KCTD17: variants seen among roughly 807,000 people sequenced by gnomAD.
KCTD17 encodes the protein potassium channel tetramerization domain containing 17.
In KCTD17, 20 loss-of-function variants were observed where a neutral mutation model predicts 41.5. The observed-to-expected ratio is 0.48, with a 90% CI of 0.34 to 0.70. KCTD17 has a LOEUF of 0.70. Among genes scored for constraint, KCTD17 ranks in the 30% least tolerant of loss-of-function variants. The pLI is 0.01. For missense variants in KCTD17, 317 were observed against 427.2 expected, an observed-to-expected ratio of 0.74 and a Z score of 2.27; for synonymous variants, 156 against 173.8, an observed-to-expected ratio of 0.90 and a Z score of 0.80.
Position 37,053,213 on chromosome 22 carries a change from G to C in KCTD17, c.298+5G>C. The stretch of plus-strand genomic sequence containing the variant: ...ACAAGGACATGGCTGAGGAGGGTGA[G>C]TTGGTCCAGGGGGCTGGCCTGGACC... On this transcript the variant is annotated splice_donor_5th_base_variant and intron_variant, in intron 2 of 8. Coordinates refer to ENST00000403888, the MANE Select transcript of KCTD17 (RefSeq NM_001282684.2). This position sits in a 1 kb window ranked among gnomAD's most constrained non-coding sequence, Gnocchi z 4.1. 1 of 1,590,586 alleles carries C rather than the reference G, an allele frequency of 6.3e-7. No homozygotes were observed. Among genetic ancestry groups the C allele is most frequent in the South Asian group, 1.1e-5 (1 of 87,094 alleles).
Position 37,061,608 on chromosome 22 carries a change from G to T in KCTD17, c.854G>T (p.Arg285Leu). The change falls in exon 8 of 9, where the codon CGC (arginine) becomes CTC (leucine). Residue 285 changes from arginine to leucine, a missense_variant. This residue lies in a region of KCTD17 where 177 missense variants were observed against 194.4 expected (regional missense o/e 0.91). Transcript: ENST00000403888. The surrounding 1 kb of genome is among the most constrained non-coding windows in gnomAD (Gnocchi z 6.6). The part of the protein sequence containing the change: ...AVRASPRPLA[R>L]PQSCHPCCYK... ...AGGGCTTCTCCTCGGCCCCTCGCCC[G>T]CCCCCAGAGCTGCCATCCCTGGTTT... 1 of 1,599,044 alleles carries T rather than the reference G, an allele frequency of 6.3e-7. No homozygotes were observed. The highest frequency in any genetic ancestry group is 8.5e-7 in the Non-Finnish European group (1 of 1,179,040).
Position 37,061,589 on chromosome 22 carries a change from TCTC to T in KCTD17, c.839_841del (p.Pro280del), listed in dbSNP as rs1355249938. The T allele has an allele frequency of 6.2e-7, 1 of 1,601,260 alleles. No individual in the cohort carries two copies. The highest frequency in any genetic ancestry group is 1.7e-5 in the Admixed American group (1 of 59,994). On this transcript the variant is annotated inframe_deletion, in exon 8 of 9. Transcript: ENST00000403888. This position sits in a 1 kb window ranked among gnomAD's most constrained non-coding sequence, Gnocchi z 6.6. ...TGAGGCTGAGCTTGCAGTGAGGGCT[TCTC>T]CTCGGCCCCTCGCCCGCCCCCAGAG...
Position 37,063,383 on chromosome 22 carries a change from A to G in KCTD17, c.*789A>G, listed in dbSNP as rs1601504663. 1 of 152,330 alleles carries G rather than the reference A, an allele frequency of 6.6e-6. No individual in the cohort carries two copies. The highest frequency in any genetic ancestry group is 1.9e-4 in the East Asian group (1 of 5,188). The allele number at this position is 152,330 out of a possible 1,614,324, so 9.4% of individuals were successfully genotyped here. ...CCACCATGTAATAAAACCCAAAGGA[A>G]CAGCCCAGCCTGGCTGTTGCCCTCT... On this transcript the variant is annotated 3_prime_UTR_variant, in exon 9 of 9. Transcript: ENST00000403888. This position sits in a 1 kb window ranked among gnomAD's most constrained non-coding sequence, Gnocchi z 4.6.
In KCTD17 at chr22:37,051,957, C is replaced by G; in HGVS notation, c.189+8C>G. ...GAGCTGCAGTCGGACCGGGTGAGGC[C>G]CCCGGGGTGGGCGGCGAGCGGGCGG... On this transcript the variant is annotated splice_region_variant and intron_variant, in intron 1 of 8. Coordinates refer to ENST00000403888, the MANE Select transcript of KCTD17 (RefSeq NM_001282684.2). 6.8e-7 allele frequency: 1 copy of G among 1,461,538 alleles called. No homozygotes were observed. The allele number at this position is 1,461,538 out of a possible 1,614,324, so 90.5% of individuals were successfully genotyped here.
At chr22:37,052,556 C>G (rs1344310634) in intron 1 of KCTD17, 1 of 470,372 alleles carries the variant, frequency 2.1e-6, no homozygotes, top group South Asian at 1.5e-5. Flanking sequence ...TCTAAGGTCT[C>G]CTGTCCCCCA....
chr22:37,052,014 C>G (rs1924546487), intron 1 of KCTD17, 65 bp downstream of exon 1: 3 of 1,227,458 alleles, frequency 2.4e-6, no homozygotes, highest in African/African-American at 1.6e-5. Context: ...GCGGGGCTGT[C>G]GGGCCTGGCT....
At position 37,059,243 on chromosome 22, in the gene KCTD17, G is replaced by T. The variant is rs879094334; in HGVS notation, c.487-70G>T. 2.1e-5 allele frequency: 33 copies of T among 1,597,026 alleles called. No homozygotes were observed. The South Asian group carries it at 2.9e-4, about 14-fold the overall frequency. On this transcript the variant is annotated intron_variant, in intron 4 of 8. Transcript: ENST00000403888. ...CTGGTATCTTGATTTGAGTGCCGAG[G>T]TCTGTCGTATCCTGCCCCACGGCCC...
At chr22:37,062,117 T>C (rs1206687692) in intron 8 of KCTD17, 15 of 983,406 alleles carry the variant, frequency 1.5e-5, no homozygotes, top group Non-Finnish European at 1.7e-5. Flanking sequence ...TGGGCCACAA[T>C]TGCCTCTAAA....
At chr22:37,060,637 A>C (rs554941400) in intron 5 of KCTD17, among the ~76,000 whole-genome samples, 186 bp from the exon 6 acceptor site, 3 of 152,174 alleles carry the variant, frequency 2.0e-5, no homozygotes, top group African/African-American at 7.2e-5. Flanking sequence ...TGCTTTCCCC[A>C]GGCCCTCCCC....
In KCTD17 at chr22:37,062,664, CCT is replaced by C. The variant is rs1823050194; in HGVS notation, c.*73_*74del. 6 of 1,560,860 alleles carry C rather than the reference CCT, an allele frequency of 3.8e-6. No homozygotes were observed. In the South Asian group the frequency reaches 7.0e-5, roughly 18 times the overall value. On this transcript the variant is annotated 3_prime_UTR_variant, in exon 9 of 9. Coordinates refer to ENST00000403888, the MANE Select transcript of KCTD17 (RefSeq NM_001282684.2). ...GGAAGAAGCACCCTCTCCCCGGCCT[CCT>C]CTGTCTGCACCCGTGGGGCTGTGAC...
chr22:37,059,642 C>A, intron 5 of KCTD17: 1 of 649,708 alleles, frequency 1.5e-6, no homozygotes, highest in Non-Finnish European at 2.6e-6. Flanking sequence ...GAAATGAGAG[C>A]ATCCCCAGGG....
rs112587587 is a variant in KCTD17 at position 37,051,752 on chromosome 22, C to G, written c.-9C>G. On this transcript the variant is annotated 5_prime_UTR_variant, in exon 1 of 9. Coordinates refer to ENST00000403888, the MANE Select transcript of KCTD17 (RefSeq NM_001282684.2). The stretch of plus-strand genomic sequence containing the variant: ...GCCCGGGAGGAGGATGCAGACGCCG[C>G]GGCCGGCGATGAGGATGGAGGCCGG... 3.3e-6 allele frequency: 4 copies of G among 1,219,590 alleles called. No individual in the cohort carries two copies. The highest frequency in any genetic ancestry group is 4.1e-6 in the Non-Finnish European group (4 of 980,590). The allele number at this position is 1,219,590 out of a possible 1,614,324, so 75.5% of individuals were successfully genotyped here.
At chr22:37,051,970 G>A (rs1408001411) in intron 1 of KCTD17, 21 bp downstream of exon 1, 11 of 1,426,776 alleles carry the variant, frequency 7.7e-6, no homozygotes, top group African/African-American at 1.5e-5. Flanking sequence ...CGGGGTGGGC[G>A]GCGAGCGGGC....
chr22:37,062,048 C>A, intron 8 of KCTD17: 3 of 983,010 alleles, frequency 3.1e-6, no homozygotes, highest in Non-Finnish European at 3.6e-6. Flanking sequence ...TGCCCACAAG[C>A]CCCCTATCCC....
chr22:37,053,081 G>T lies in KCTD17; in HGVS notation c.190-19G>T. 6.4e-7 allele frequency: 1 copy of T among 1,553,766 alleles called. No individual in the cohort carries two copies. The highest frequency in any genetic ancestry group is 8.7e-7 in the Non-Finnish European group (1 of 1,143,722). On this transcript the variant is annotated intron_variant, in intron 1 of 8. Transcript: ENST00000403888. This position sits in a 1 kb window ranked among gnomAD's most constrained non-coding sequence, Gnocchi z 4.1. Reference sequence around the variant, plus strand: ...AGAAGCCTCACTCTTCTCTCACCGAGCATCCCTCACCTCCATAGGATGAGA... The same window carrying T: ...AGAAGCCTCACTCTTCTCTCACCGATCATCCCTCACCTCCATAGGATGAGA...
rs1157842410 is a variant in KCTD17 at position 37,053,569 on chromosome 22, G to A, written c.298+361G>A. ...ATCCGGAGGCTGGGGTGACAGGAAT[G>A]CAGTGTTGACAGGCATGGGGAGAGC... On this transcript the variant is annotated intron_variant, in intron 2 of 8. Transcript: ENST00000403888. This position sits in a 1 kb window ranked among gnomAD's most constrained non-coding sequence, Gnocchi z 4.1. Among the ~76,000 whole-genome samples the A allele has an allele frequency of 1.3e-5, 2 of 152,226 alleles. No individual in the cohort carries two copies. Among genetic ancestry groups the A allele is most frequent in the Non-Finnish European group, 2.9e-5 (2 of 68,032 alleles).
Position 37,058,415 on chromosome 22 carries a change from T to A in KCTD17, c.487-898T>A, listed in dbSNP as rs186206600. Among the ~76,000 whole-genome samples the A allele has an allele frequency of 1.6e-3, 242 of 152,354 alleles. 1 individual carries two copies. The highest frequency in any genetic ancestry group is 5.7e-3 in the African/African-American group (235 of 41,584). On this transcript the variant is annotated intron_variant, in intron 4 of 8. Transcript: ENST00000403888. ...TGAAGTGGGCTAACAGTACCTCCTC[T>A]GTAGGACTCTTGTGAGATTAGAAGG...
At position 37,060,810 on chromosome 22, in the gene KCTD17, G is replaced by T. The variant is rs937682907; in HGVS notation, c.613-13G>T. The T allele has an allele frequency of 6.8e-7, 1 of 1,477,134 alleles. No individual in the cohort carries two copies. The highest frequency in any genetic ancestry group is 9.0e-7 in the Non-Finnish European group (1 of 1,111,792). The allele number at this position is 1,477,134 out of a possible 1,614,324, so 91.5% of individuals were successfully genotyped here. On this transcript the variant is annotated splice_polypyrimidine_tract_variant and intron_variant, in intron 5 of 8. Transcript: ENST00000403888. ...CCACTCTTTCTTCCCTGGGTCCGCC[G>T]GCTGGTTCACAGAGCACGGAGGAGC...
intron 3 of KCTD17, 119 bp downstream of exon 3, chr22:37,056,530 A>C: frequency 1.2e-6 from 1 of 805,588 alleles, no homozygotes; most frequent in Non-Finnish European, 2.0e-6. Context: ...TGTCATGGGG[A>C]GGCCGAGCTG....
Sources: gnomAD v4.1 joint callset for allele counts (sites outside exome capture counted in the v4.1 genomes callset) on GRCh38, gnomAD v4.1.1 for gene constraint, gnomAD v4.1.1 regional missense constraint, Gnocchi (gnomAD v3.1) non-coding constraint, MANE v1.5 for transcripts, NCBI Gene and HGNC (gene_info 2026-07-23, HGNC 2026-07-21) for gene names.